Variants in TSPAN9 observed in about 807,000 individuals in gnomAD.
TSPAN9 encodes the protein tetraspanin-9.
A neutral mutation model predicts 31.0 loss-of-function variants in TSPAN9; 16 were observed. That is an observed-to-expected ratio of 0.52 (90% CI 0.35 to 0.78). The LOEUF (loss-of-function observed/expected upper bound fraction) is 0.78. Ranked by LOEUF, TSPAN9 falls within the 30% of genes least tolerant of loss-of-function variation. TSPAN9 has a pLI of 0.01. For synonymous variants in TSPAN9, 145 were observed against 121.6 expected (o/e 1.19, Z -1.27); for missense variants, 272 against 312.5 (o/e 0.87, Z 0.98).
intron 3 of TSPAN9, among the ~76,000 whole-genome samples, chr12:3,202,677 G>A (rs529938100): frequency 6.6e-6 from 1 of 152,266 alleles, no homozygotes; most frequent in South Asian, 2.1e-4. Flanking sequence ...CTCTCTTGGG[G>A]AGAGAAGCCC....
chr12:3,215,880 G>T (rs1197439136), intron 3 of TSPAN9, among the ~76,000 whole-genome samples: 1 of 151,714 alleles, frequency 6.6e-6, no homozygotes, highest in Non-Finnish European at 1.5e-5. Context: ...GGAGAACGTA[G>T]GTTGGTCCAG....
At chr12:3,139,371 C>G (rs545961855) in intron 2 of TSPAN9, among the ~76,000 whole-genome samples, 99 of 152,292 alleles carry the variant, frequency 6.5e-4, no homozygotes, top group African/African-American at 2.2e-3. Flanking sequence ...CCTCCCCCTC[C>G]TCCCCTCACC....
intron 2 of TSPAN9, among the ~76,000 whole-genome samples, chr12:3,162,196 T>G (rs748729245): frequency 6.6e-6 from 1 of 152,334 alleles, no homozygotes; most frequent in South Asian, 2.1e-4. Flanking sequence ...CCATGTGATA[T>G]CTGCCTATGC....
At chr12:3,120,703 G>A (rs968894225) in intron 2 of TSPAN9, among the ~76,000 whole-genome samples, 3 of 152,260 alleles carry the variant, frequency 2.0e-5, no homozygotes, top group African/African-American at 7.2e-5. Flanking sequence ...CACATACAGT[G>A]TAAACTGGAC....
intron 2 of TSPAN9, among the ~76,000 whole-genome samples, chr12:3,126,785 T>A (rs1476236493): frequency 6.6e-6 from 1 of 151,408 alleles, no homozygotes; most frequent in Non-Finnish European, 1.5e-5. Context: ...GAGGCTGAAG[T>A]GGGAGGATTG....
chr12:3,267,138 C>T (rs984822031), intron 3 of TSPAN9, among the ~76,000 whole-genome samples: 1 of 152,212 alleles, frequency 6.6e-6, no homozygotes, highest in African/African-American at 2.4e-5. Flanking sequence ...TTTCCCAAAA[C>T]AGGGAGAATG....
chr12:3,084,531 G>T (rs962019803), intron 2 of TSPAN9, among the ~76,000 whole-genome samples: 1 of 152,104 alleles, frequency 6.6e-6, no homozygotes, highest in Non-Finnish European at 1.5e-5. Context: ...TTCCAGCAGG[G>T]ATTATTTGGT....
chr12:3,174,835 G>A (rs12826203), intron 2 of TSPAN9, among the ~76,000 whole-genome samples: 23,725 of 151,716 alleles, frequency 0.16, 2,000 homozygotes, highest in African/African-American at 0.21. Flanking sequence ...TCCCGCCTCG[G>A]CCTCCCAAAG....
rs2098387596 is a variant in TSPAN9, at chr12:3,226,736, GTGTGTGTGTATATATATATATATA to G, written c.63+25482_63+25505del. On this transcript the variant is annotated intron_variant, in intron 3 of 8. Coordinates refer to ENST00000011898, the MANE Select transcript of TSPAN9 (RefSeq NM_006675.5). ...TGTATGTATGTGTGTGTGTGTGTGT[GTGTGTGTGTATATATATATATATA>G]TATATATATATATATATATATATAT... is the stretch of plus-strand genomic sequence containing the variant. 2.0e-3 allele frequency among the ~76,000 whole-genome samples: 22 copies of G among 11,084 alleles called. 1 individual carries two copies. Among genetic ancestry groups the G allele is most frequent in the East Asian group, 7.9e-3 (2 of 254 alleles). 7.3% of individuals were successfully genotyped at this position (11,084 alleles called of 152,430 possible).
At chr12:3,260,530 C>T (rs1401096974) in intron 3 of TSPAN9, among the ~76,000 whole-genome samples, 1 of 152,234 alleles carries the variant, frequency 6.6e-6, no homozygotes, top group Non-Finnish European at 1.5e-5. Flanking sequence ...AGCTGGCCTT[C>T]TGTGAAAACA....
chr12:3,082,194 G>A (rs914165094), intron 1 of TSPAN9, among the ~76,000 whole-genome samples: 1 of 152,214 alleles, frequency 6.6e-6, no homozygotes, highest in Non-Finnish European at 1.5e-5. Context: ...TGATTGAGGA[G>A]CACCATTGCA....
intron 3 of TSPAN9, among the ~76,000 whole-genome samples, chr12:3,246,161 A>G (rs1862121473): frequency 6.6e-6 from 1 of 151,644 alleles, no homozygotes; most frequent in Non-Finnish European, 1.5e-5. Context: ...TAAACATGAC[A>G]AAAGCAGGAG....
intron 3 of TSPAN9, among the ~76,000 whole-genome samples, chr12:3,234,894 C>T (rs1450505688): frequency 1.3e-5 from 2 of 150,940 alleles, no homozygotes; most frequent in Non-Finnish European, 3.0e-5. Flanking sequence ...GGCGTGGTGG[C>T]TTACGCCTGT....
At position 3,097,631 on chromosome 12, in the gene TSPAN9, A is replaced by T. The variant is rs528624938; in HGVS notation, c.-18+13912A>T. ...TGTGACTTCCTGGAGGAGGGGTGGC[A>T]AGTACAGTGCTGGCCCAGGGCCAAT... is the stretch of plus-strand genomic sequence containing the variant. On this transcript the variant is annotated intron_variant, in intron 2 of 8. Transcript: ENST00000011898. Among the ~76,000 whole-genome samples the T allele has an allele frequency of 1.1e-4, 17 of 152,308 alleles. 1 individual carries two copies. In the South Asian group the frequency reaches 3.3e-3, roughly 30 times the overall value.
chr12:3,214,551 G>A (rs77977554), intron 3 of TSPAN9, among the ~76,000 whole-genome samples: 2,088 of 152,202 alleles, frequency 0.014, 64 homozygotes, highest in African/African-American at 0.047. Flanking sequence ...AGTGGTGGGG[G>A]GAGAATCTTC....
rs73254462 is a variant in TSPAN9, at chr12:3,243,136, C to T, written c.64-35285C>T. 3.2e-3 allele frequency among the ~76,000 whole-genome samples: 488 copies of T among 152,308 alleles called. 3 individuals are homozygous for T. The highest frequency in any genetic ancestry group is 0.011 in the African/African-American group (463 of 41,560). ...AGAAAACAACCCAATAGAGTCATCCCTGCAAGCATCATAGGATGCCTTGGT... is the reference window on the plus strand; with the variant it reads ...AGAAAACAACCCAATAGAGTCATCCTTGCAAGCATCATAGGATGCCTTGGT... On this transcript the variant is annotated intron_variant, in intron 3 of 8. Transcript: ENST00000011898.
chr12:3,106,053 G>A (rs1415787735), intron 2 of TSPAN9, among the ~76,000 whole-genome samples: 1 of 149,024 alleles, frequency 6.7e-6, no homozygotes, highest in Admixed American at 6.7e-5. Context: ...CACCCCATGT[G>A]CACCTACACA....
At chr12:3,223,968 C>T (rs959332205) in intron 3 of TSPAN9, among the ~76,000 whole-genome samples, 14 of 152,104 alleles carry the variant, frequency 9.2e-5, no homozygotes, top group African/African-American at 2.2e-4. Flanking sequence ...CATCTGGACA[C>T]GGGAAAGCTC....
In TSPAN9 at chr12:3,105,165, G is replaced by C. The variant is rs533671752; in HGVS notation, c.-18+21446G>C. Among the ~76,000 whole-genome samples the C allele has an allele frequency of 4.6e-5, 7 of 152,338 alleles. No homozygotes were observed. In the East Asian group the frequency reaches 1.4e-3, roughly 29 times the overall value. On this transcript the variant is annotated intron_variant, in intron 2 of 8. Coordinates refer to ENST00000011898, the MANE Select transcript of TSPAN9 (RefSeq NM_006675.5). ...ACCCTGTGTCTTTGTGTTCAGACAA[G>C]CCCTGCTGTGTAGAGGCCTGAGCTT... is the stretch of plus-strand genomic sequence containing the variant.
Sources: gnomAD v4.1 joint callset for allele counts (sites outside exome capture counted in the v4.1 genomes callset) on GRCh38, gnomAD v4.1.1 for gene constraint, MANE v1.5 for transcripts, NCBI Gene and HGNC (gene_info 2026-07-23, HGNC 2026-07-21) for gene names.